Variants in HCN1 observed in about 807,000 individuals in gnomAD.
HCN1 encodes potassium/sodium hyperpolarization-activated cyclic nucleotide-gated channel 1.
In HCN1, 13 loss-of-function variants were observed where a neutral mutation model predicts 78.9. The ratio of observed to expected loss-of-function variants is 0.16; its 90% CI spans 0.11 to 0.26. HCN1 has a LOEUF of 0.26. Among genes scored for constraint, HCN1 ranks in the 10% least tolerant of loss-of-function variants. The pLI, the probability that HCN1 is intolerant of heterozygous loss-of-function variation, is 1.00. For synonymous variants in HCN1, 552 were observed against 455.5 expected, an observed-to-expected ratio of 1.21 and a Z score of -2.70; for missense variants, 810 against 1,154.3, an observed-to-expected ratio of 0.70 and a Z score of 4.32.
chr5:45,514,937 A>G (rs998751645), intron 2 of HCN1, among the ~76,000 whole-genome samples: 1 of 152,034 alleles, frequency 6.6e-6, no homozygotes, highest in African/African-American at 2.4e-5. Flanking sequence ...CAATCCTTCT[A>G]TCCTAAAAAT....
At chr5:45,482,485 G>A (rs1741674490) in intron 2 of HCN1, among the ~76,000 whole-genome samples, 1 of 152,100 alleles carries the variant, frequency 6.6e-6, no homozygotes, top group Non-Finnish European at 1.5e-5. Flanking sequence ...ATAGCAAAAA[G>A]ACTTTCCACA....
chr5:45,673,822 C>T (rs73104908), intron 1 of HCN1, among the ~76,000 whole-genome samples: 92 of 151,672 alleles, frequency 6.1e-4, no homozygotes, highest in African/African-American at 2.0e-3. Flanking sequence ...AAAGGCACAG[C>T]AGAATCATTC....
chr5:45,442,199 A>G (rs1740692160), intron 3 of HCN1, among the ~76,000 whole-genome samples: 2 of 152,174 alleles, frequency 1.3e-5, no homozygotes, highest in Non-Finnish European at 2.9e-5. Context: ...GAACTGCTAA[A>G]GTAGACAAAT....
chr5:45,654,760 C>T (rs920649816), intron 1 of HCN1, among the ~76,000 whole-genome samples: 7 of 152,078 alleles, frequency 4.6e-5, no homozygotes, highest in Non-Finnish European at 8.8e-5. Context: ...TTTCATCTAA[C>T]CACTGTGAAA....
chr5:45,582,020 A>T (rs1376549948), intron 2 of HCN1, among the ~76,000 whole-genome samples: 5 of 152,156 alleles, frequency 3.3e-5, no homozygotes, highest in African/African-American at 1.2e-4. Context: ...TTTTGGTTCC[A>T]TATGAACTTT....
In HCN1 at chr5:45,619,503, G is replaced by A. The variant is rs990386828; in HGVS notation, c.849+25682C>T. Among the ~76,000 whole-genome samples the A allele has an allele frequency of 5.9e-5, 9 of 152,126 alleles. No individual in the cohort carries two copies. In the South Asian group the frequency reaches 1.0e-3, roughly 18 times the overall value. On this transcript the variant is annotated intron_variant, in intron 2 of 7. Coordinates refer to ENST00000303230, the MANE Select transcript of HCN1 (RefSeq NM_021072.4). ...AAACAAAATAAATGACAATAGTATC[G>A]AATAGGAACTGAATAAATATGAATC...
chr5:45,616,143 G>A (rs905868486), intron 2 of HCN1, among the ~76,000 whole-genome samples: 4 of 150,520 alleles, frequency 2.7e-5, no homozygotes, highest in African/African-American at 9.8e-5. Flanking sequence ...AAGACTGGCA[G>A]TTCATACACA....
chr5:45,524,094 C>T (rs1422433104), intron 2 of HCN1, among the ~76,000 whole-genome samples: 5 of 152,100 alleles, frequency 3.3e-5, no homozygotes, highest in Non-Finnish European at 4.4e-5. Context: ...GCCAGTTTTC[C>T]CAGCACCATT....
intron 2 of HCN1, among the ~76,000 whole-genome samples, chr5:45,604,871 T>C (rs1002248753): frequency 6.6e-6 from 1 of 152,050 alleles, no homozygotes; most frequent in Admixed American, 6.6e-5. Context: ...AAAGACCGCA[T>C]CTAAACAGTG....
chr5:45,633,891 T>G (rs1745313184), intron 2 of HCN1, among the ~76,000 whole-genome samples: 1 of 151,964 alleles, frequency 6.6e-6, no homozygotes, highest in Admixed American at 6.6e-5. Flanking sequence ...AAAAATTTTT[T>G]TCACCTTAAG....
intron 2 of HCN1, among the ~76,000 whole-genome samples, chr5:45,474,203 C>A (rs1741467779): frequency 1.3e-5 from 2 of 151,726 alleles, no homozygotes. Flanking sequence ...ATTCTAAAAC[C>A]CACAATCAAG....
Position 45,262,221 on chromosome 5 carries a change from G to T in HCN1, c.2373C>A (p.Pro791=). ...REVRPLSASQ[P]SLPHEVSTLI... ...GAGTGGACACCTCATGGGGCAGCGAGGGCTGCGAGGCGGAGAGTGGCCTGA... is the reference window on the plus strand; with the variant it reads ...GAGTGGACACCTCATGGGGCAGCGATGGCTGCGAGGCGGAGAGTGGCCTGA... The change falls in exon 8 of 8, where the codon CCC becomes CCA. Residue 791 remains proline, a synonymous_variant. Transcript: ENST00000303230. 1 of 1,614,056 alleles carries T rather than the reference G, an allele frequency of 6.2e-7. No homozygotes were observed. The highest frequency in any genetic ancestry group is 1.1e-5 in the South Asian group (1 of 91,086).
chr5:45,403,936 T>G (rs952233838), intron 3 of HCN1, among the ~76,000 whole-genome samples: 18 of 152,154 alleles, frequency 1.2e-4, no homozygotes, highest in African/African-American at 4.3e-4. Context: ...AAGTGGAAGA[T>G]TCAGTGTTTT....
chr5:45,603,682 T>C (rs1465591042), intron 2 of HCN1, among the ~76,000 whole-genome samples: 2 of 152,012 alleles, frequency 1.3e-5, no homozygotes, highest in Admixed American at 1.3e-4. Context: ...AGAAAAACCA[T>C]TAAAACAGTA....
At chr5:45,643,766 C>G (rs1745497487) in intron 2 of HCN1, 1 of 152,098 alleles carries the variant, frequency 6.6e-6, no homozygotes, top group Non-Finnish European at 1.5e-5. Context: ...TGTAAAGAAT[C>G]AAACATACTA....
At chr5:45,596,557 C>G (rs528819352) in intron 2 of HCN1, among the ~76,000 whole-genome samples, 25 of 152,168 alleles carry the variant, frequency 1.6e-4, no homozygotes, top group African/African-American at 5.3e-4. Flanking sequence ...GGGCAAGCAG[C>G]AAAACTCCAG....
At chr5:45,651,073 T>C (rs564901915) in intron 1 of HCN1, among the ~76,000 whole-genome samples, 1 of 152,172 alleles carries the variant, frequency 6.6e-6, no homozygotes, top group East Asian at 1.9e-4. Flanking sequence ...TAAATATTTG[T>C]CATTGAGCAG....
At chr5:45,523,658 C>A (rs1402078947) in intron 2 of HCN1, among the ~76,000 whole-genome samples, 2 of 152,116 alleles carry the variant, frequency 1.3e-5, no homozygotes, top group Non-Finnish European at 2.9e-5. Flanking sequence ...TAAATGTCTT[C>A]TTTTGAGAGG....
intron 2 of HCN1, among the ~76,000 whole-genome samples, chr5:45,537,850 A>G (rs16902163): frequency 0.067 from 10,126 of 152,052 alleles, 416 homozygotes; most frequent in East Asian, 0.15. Context: ...GAACCTACAG[A>G]GAATCACCTA....
Sources: allele counts gnomAD v4.1 joint callset (sites outside exome capture counted in the v4.1 genomes callset), GRCh38; gene constraint gnomAD v4.1.1; transcripts MANE v1.5; gene names NCBI Gene and HGNC (gene_info 2026-07-23, HGNC 2026-07-21).